Variants in PRPF39 observed in about 807,000 individuals in gnomAD.
The protein encoded by PRPF39 is pre-mRNA-processing factor 39.
A neutral mutation model predicts 82.1 loss-of-function variants in PRPF39; 27 were observed. The observed-to-expected ratio is 0.33, with a 90% CI of 0.24 to 0.45. PRPF39 has a LOEUF of 0.45. Ranked by LOEUF, PRPF39 falls within the 20% of genes least tolerant of loss-of-function variation. The pLI, the probability that PRPF39 is intolerant of heterozygous loss-of-function variation, is 1.00. For synonymous variants in PRPF39, 261 were observed against 256.4 expected, an observed-to-expected ratio of 1.02 and a Z score of -0.17; for missense variants, 581 against 796.9, an observed-to-expected ratio of 0.73 and a Z score of 3.26.
At chr14:45,114,115 C>A in intron 11 of PRPF39, 68 bp from the exon 12 acceptor site, 1 of 1,210,262 alleles carries the variant, frequency 8.3e-7, no homozygotes, top group Non-Finnish European at 1.1e-6. Flanking sequence ...TAAGTAAAAA[C>A]AACTTTAAAT....
At chr14:45,101,308 T>C (rs1884365533) in intron 4 of PRPF39, among the ~76,000 whole-genome samples, 1 of 152,218 alleles carries the variant, frequency 6.6e-6, no homozygotes, top group African/African-American at 2.4e-5. Context: ...TGTAGTTTTA[T>C]ACTTTTTAAA....
At chr14:45,108,743 T>A (rs1026063718) in intron 7 of PRPF39, among the ~76,000 whole-genome samples, 5 of 152,212 alleles carry the variant, frequency 3.3e-5, no homozygotes, top group Admixed American at 3.3e-4. Flanking sequence ...TTGCAAGATA[T>A]CTGCTTAATC....
intron 1 of PRPF39, among the ~76,000 whole-genome samples, chr14:45,092,600 CAAAAAAAAAA>C (rs775755309): frequency 1.9e-5 from 1 of 51,486 alleles, no homozygotes; most frequent in Non-Finnish European, 4.4e-5. Context: ...GACTCTGTCT[CAAAAAAAAAA>C]AAAAAAAAAA....
In PRPF39 at chr14:45,110,133, A is replaced by C; in HGVS notation, c.1216A>C (p.Arg406=). 1 of 1,613,476 alleles carries C rather than the reference A, an allele frequency of 6.2e-7. No homozygotes were observed. Among genetic ancestry groups the C allele is most frequent in the Non-Finnish European group, 8.5e-7 (1 of 1,179,480 alleles). ...GGAAAACCATAGCATTGAAGGAGTG[A>C]GGCATGTCTTCAGCAGAGCTTGTAC... The part of the protein sequence containing the change: ...YMENHSIEGV[R]HVFSRACTIH... The change falls in exon 9 of 14, where the codon AGG becomes CGG. Residue 406 remains arginine, a synonymous_variant. Coordinates refer to ENST00000355765, the MANE Select transcript of PRPF39 (RefSeq NM_017922.4). The surrounding 1 kb of genome is among the most constrained non-coding windows in gnomAD (Gnocchi z 4.0).
At chr14:45,114,731 T>G (rs1342898278) in intron 13 of PRPF39, 117 bp downstream of exon 13, 20 of 1,401,632 alleles carry the variant, frequency 1.4e-5, no homozygotes, top group Non-Finnish European at 1.9e-5. Context: ...CTTTGGTGGT[T>G]AAGTACTAGA....
chr14:45,093,738 AGAGACAG>A (rs1249508145), intron 1 of PRPF39, among the ~76,000 whole-genome samples: 2,869 of 151,474 alleles, frequency 0.019, 91 homozygotes, highest in African/African-American at 0.066. Flanking sequence ...TATTTTTAGT[AGAGACAG>A]GGTTTCTCCT....
chr14:45,097,138 A>C (rs1594727863), intron 4 of PRPF39, 133 bp downstream of exon 4: 1 of 1,307,266 alleles, frequency 7.6e-7, no homozygotes, highest in South Asian at 1.7e-5. Context: ...ACATGTAATA[A>C]ACTTAAGCTT....
chr14:45,096,666 G>T, intron 3 of PRPF39: 1 of 1,506,016 alleles, frequency 6.6e-7, no homozygotes, highest in Non-Finnish European at 8.9e-7. Context: ...ACACAACCCG[G>T]TCAGAATGCA....
intron 1 of PRPF39, among the ~76,000 whole-genome samples, chr14:45,089,564 T>TCAG (rs760425521): frequency 2.6e-5 from 4 of 152,200 alleles, no homozygotes; most frequent in Non-Finnish European, 4.4e-5. Flanking sequence ...GACTCCCACT[T>TCAG]CAGCCTCCGG....
At chr14:45,089,054 T>C (rs1883935446) in intron 1 of PRPF39, among the ~76,000 whole-genome samples, 5 of 152,228 alleles carry the variant, frequency 3.3e-5, no homozygotes, top group Admixed American at 3.3e-4. Context: ...AGGTTGCCTT[T>C]TCACTCCACT....
chr14:45,114,747 A>G, intron 13 of PRPF39, 110 bp from the exon 14 acceptor site: 1 of 1,376,206 alleles, frequency 7.3e-7, no homozygotes, highest in South Asian at 1.3e-5. Flanking sequence ...CTAGAATTTT[A>G]GCAGTGAACA....
At chr14:45,107,750 G>A in intron 6 of PRPF39, 134 bp downstream of exon 6, 1 of 823,814 alleles carries the variant, frequency 1.2e-6, no homozygotes, top group Non-Finnish European at 1.9e-6. Flanking sequence ...GCAACATGGT[G>A]AAACCCTGTC....
At chr14:45,107,344 T>G in intron 5 of PRPF39, 107 bp from the exon 6 acceptor site, 1 of 864,156 alleles carries the variant, frequency 1.2e-6, no homozygotes, top group Non-Finnish European at 1.7e-6. Flanking sequence ...GATATTTTGG[T>G]TTCTTTTTTA....
At chr14:45,098,469 G>C (rs1884270291) in intron 4 of PRPF39, among the ~76,000 whole-genome samples, 1 of 149,562 alleles carries the variant, frequency 6.7e-6, no homozygotes, top group South Asian at 2.2e-4. Flanking sequence ...AAAAGAGAGA[G>C]AGATCAAAAA....
rs1049875332 is a variant in PRPF39, at chr14:45,116,013, C to T, written c.*1100C>T. 1.5e-5 allele frequency: 8 copies of T among 547,688 alleles called. No individual in the cohort carries two copies. The African/African-American group carries it at 1.5e-4, about 10-fold the overall frequency. 33.9% of individuals were successfully genotyped at this position (547,688 alleles called of 1,614,324 possible). A position where few individuals can be genotyped will look rare whatever the true frequency, so the allele number is the denominator to read the frequency against. On this transcript the variant is annotated 3_prime_UTR_variant, in exon 14 of 14. Coordinates refer to ENST00000355765, the MANE Select transcript of PRPF39 (RefSeq NM_017922.4). ...ACAGCTGTAGGAAAGTATTTTAGACCAGGGATTCATAAGGGATTTATCTCT... is the reference window on the plus strand; with the variant it reads ...ACAGCTGTAGGAAAGTATTTTAGACTAGGGATTCATAAGGGATTTATCTCT...
chr14:45,094,950 GTACT>G (rs1330692292), intron 1 of PRPF39, among the ~76,000 whole-genome samples: 2 of 152,132 alleles, frequency 1.3e-5, no homozygotes, highest in East Asian at 1.9e-4. Context: ...AGCAGGCAGT[GTACT>G]TATTTGTTGT....
At chr14:45,107,658 G>T (rs1173924076) in intron 6 of PRPF39, 42 bp downstream of exon 6, 6 of 1,527,388 alleles carry the variant, frequency 3.9e-6, no homozygotes, top group Non-Finnish European at 5.3e-6. Flanking sequence ...GCCAGGTATG[G>T]TGGCTTATGC....
chr14:45,105,526 T>C (rs763679734), intron 5 of PRPF39, among the ~76,000 whole-genome samples: 11 of 132,160 alleles, frequency 8.3e-5, no homozygotes, highest in African/African-American at 1.7e-4. Context: ...ATTTATATAC[T>C]TTTTTTTTTT....
intron 1 of PRPF39, 25 bp downstream of exon 1, chr14:45,084,274 A>T (rs1383753509): frequency 6.5e-6 from 1 of 152,798 alleles, no homozygotes; most frequent in Non-Finnish European, 1.5e-5. Context: ...GCTCCTTGAA[A>T]TTAGCTGGGG....
Sources: allele counts gnomAD v4.1 joint callset (sites outside exome capture counted in the v4.1 genomes callset), GRCh38; gene constraint gnomAD v4.1.1; non-coding constraint Gnocchi (gnomAD v3.1); transcripts MANE v1.5; gene names NCBI Gene and HGNC (gene_info 2026-07-23, HGNC 2026-07-21).